DCDC1: variants seen among roughly 807,000 people sequenced by gnomAD.
DCDC1 encodes doublecortin domain-containing protein 1.
Under a neutral mutation model 178.3 loss-of-function variants are expected in DCDC1, and 200 were observed. That is an observed-to-expected ratio of 1.12 (90% CI 1.00 to 1.26). The LOEUF (loss-of-function observed/expected upper bound fraction) is 1.26, where lower values mean the gene tolerates loss of function less well. DCDC1 is among the 50% of genes most tolerant of loss of function. DCDC1 has a pLI of 0.00. For missense variants in DCDC1, 1,983 were observed against 1,749.2 expected (o/e 1.13, Z -2.38); for synonymous variants, 690 against 604.8 (o/e 1.14, Z -2.07).
intron 11 of DCDC1, among the ~76,000 whole-genome samples, chr11:31,117,975 A>G (rs1470450640): frequency 6.6e-6 from 1 of 152,160 alleles, no homozygotes; most frequent in African/African-American, 2.4e-5. Flanking sequence ...GTAGCTGAGT[A>G]TGATGTATTT....
At chr11:31,197,560 T>C (rs554312593) in intron 9 of DCDC1, among the ~76,000 whole-genome samples, 19 of 152,230 alleles carry the variant, frequency 1.2e-4, no homozygotes, top group Non-Finnish European at 2.8e-4. Flanking sequence ...GAAGGTCACA[T>C]CTGTGCCAGT....
chr11:30,898,263 C>T (rs1252586360), intron 34 of DCDC1, among the ~76,000 whole-genome samples: 1 of 152,148 alleles, frequency 6.6e-6, no homozygotes, highest in Non-Finnish European at 1.5e-5. Flanking sequence ...TGTATGATAA[C>T]TTCAACTTCA....
intron 20 of DCDC1, among the ~76,000 whole-genome samples, chr11:31,014,645 CT>C (rs1249422633): frequency 6.6e-6 from 1 of 152,184 alleles, no homozygotes; most frequent in East Asian, 1.9e-4. Flanking sequence ...CTGCTGCTAA[CT>C]TTTTCTAATT....
At chr11:31,217,888 T>A (rs1973776394) in intron 9 of DCDC1, among the ~76,000 whole-genome samples, 1 of 152,120 alleles carries the variant, frequency 6.6e-6, no homozygotes, top group Non-Finnish European at 1.5e-5. Flanking sequence ...GATTTTTTCA[T>A]AATGTGTACT....
At chr11:31,263,048 T>C (rs181878016) in intron 8 of DCDC1, 315 of 1,612,980 alleles carry the variant, frequency 2.0e-4, no homozygotes, top group Non-Finnish European at 2.6e-4. Context: ...ATCCATGAAG[T>C]ATCACGTCTC....
chr11:30,892,670 A>G, intron 36 of DCDC1, 148 bp downstream of exon 36: 1 of 871,236 alleles, frequency 1.1e-6, no homozygotes. Context: ...CAATCATGAG[A>G]TCAATCCTAT....
At chr11:30,868,459 C>T (rs1218499380) in intron 38 of DCDC1, among the ~76,000 whole-genome samples, 1 of 151,888 alleles carries the variant, frequency 6.6e-6, no homozygotes, top group African/African-American at 2.4e-5. Flanking sequence ...CCATGTTGGC[C>T]AGGCTGGTCT....
chr11:31,001,672 G>A (rs1951588789), intron 20 of DCDC1, among the ~76,000 whole-genome samples: 1 of 152,182 alleles, frequency 6.6e-6, no homozygotes, highest in South Asian at 2.1e-4. Context: ...CAAAGACAGA[G>A]GAATATCAAG....
chr11:31,073,579 C>A lies in DCDC1; in HGVS notation c.2298+4286G>T, dbSNP rs534825201. 1.1e-4 allele frequency among the ~76,000 whole-genome samples: 17 copies of A among 152,254 alleles called. 1 individual carries two copies. In the East Asian group the frequency reaches 2.7e-3, roughly 24 times the overall value. On this transcript the variant is annotated intron_variant, in intron 18 of 38. Coordinates refer to ENST00000684477, the MANE Select transcript of DCDC1 (RefSeq NM_001387274.1). Reference sequence around the variant, plus strand: ...GAGATTTTGGTATTGTCTAAAAATTCTACTTTTTATTTTTACCAAGAAGTA... The same window carrying A: ...GAGATTTTGGTATTGTCTAAAAATTATACTTTTTATTTTTACCAAGAAGTA...
intron 1 of DCDC1, among the ~76,000 whole-genome samples, chr11:31,368,878 CA>C (rs1316425417): frequency 6.6e-6 from 1 of 151,860 alleles, no homozygotes; most frequent in African/African-American, 2.4e-5. Context: ...AAGTAAGCAG[CA>C]CAAAGAAGTA....
chr11:30,982,496 G>C (rs192360355), intron 20 of DCDC1, among the ~76,000 whole-genome samples: 5 of 151,892 alleles, frequency 3.3e-5, no homozygotes, highest in Non-Finnish European at 7.4e-5. Context: ...AAAGACCAAA[G>C]GAGCCTTAGG....
chr11:31,036,076 A>T (rs1954006003), intron 20 of DCDC1, among the ~76,000 whole-genome samples: 5 of 152,144 alleles, frequency 3.3e-5, no homozygotes, highest in Admixed American at 2.6e-4. Flanking sequence ...TTTTGGGACC[A>T]ATCTGCTCTA....
intron 9 of DCDC1, among the ~76,000 whole-genome samples, chr11:31,164,410 T>C (rs1325016433): frequency 1.3e-5 from 2 of 152,178 alleles, no homozygotes; most frequent in East Asian, 1.9e-4. Context: ...ATCATTATAA[T>C]AGGAGATAGC....
intron 20 of DCDC1, among the ~76,000 whole-genome samples, chr11:30,957,928 T>C (rs1948863793): frequency 6.6e-6 from 1 of 152,164 alleles, no homozygotes. Context: ...CTATGACTAT[T>C]TGACTTAATG....
chr11:30,924,444 T>A (rs542888451), intron 23 of DCDC1, among the ~76,000 whole-genome samples: 50 of 152,288 alleles, frequency 3.3e-4, no homozygotes, highest in African/African-American at 1.2e-3. Flanking sequence ...ATTGTAGGCA[T>A]CAATCAAGGA....
intron 9 of DCDC1, among the ~76,000 whole-genome samples, chr11:31,190,197 T>A (rs1969983964): frequency 6.6e-6 from 1 of 152,152 alleles, no homozygotes; most frequent in African/African-American, 2.4e-5. Context: ...ATTTGTTAGT[T>A]ACATGCAAGG....
In DCDC1 at chr11:30,972,133, G is replaced by A. The variant is rs148377720; in HGVS notation, c.2592-19565C>T. Among the ~76,000 whole-genome samples the A allele has an allele frequency of 2.0e-3, 300 of 152,300 alleles. 1 individual carries two copies. The highest frequency in any genetic ancestry group is 6.8e-3 in the African/African-American group (282 of 41,570). ...GACATCCAAGTACAGGAAGCTCAGA[G>A]ATCCTCAAATAGATGCAATTCAAAA... On this transcript the variant is annotated intron_variant, in intron 20 of 38. Coordinates refer to ENST00000684477, the MANE Select transcript of DCDC1 (RefSeq NM_001387274.1).
At chr11:31,179,060 C>G (rs778846408) in intron 9 of DCDC1, among the ~76,000 whole-genome samples, 2 of 152,004 alleles carry the variant, frequency 1.3e-5, no homozygotes, top group Non-Finnish European at 2.9e-5. Context: ...AAACGGCTGA[C>G]AGGTATATGA....
intron 35 of DCDC1, 58 bp downstream of exon 35, chr11:30,894,190 T>G: frequency 1.9e-6 from 3 of 1,569,150 alleles, no homozygotes; most frequent in Non-Finnish European, 2.6e-6. Flanking sequence ...AATATTGTAC[T>G]TTTAAATACT....
Sources: allele counts gnomAD v4.1 joint callset (sites outside exome capture counted in the v4.1 genomes callset), GRCh38; gene constraint gnomAD v4.1.1; transcripts MANE v1.5; gene names NCBI Gene and HGNC (gene_info 2026-07-23, HGNC 2026-07-21).